The following NEDD4L variants were observed in gnomAD, a reference collection of about 807,000 sequenced individuals.
NEDD4L encodes NEDD4 like E3 ubiquitin protein ligase, also known as E3 ubiquitin-protein ligase NEDD4-like.
NEDD4L carries 54 observed loss-of-function variants against 148.9 expected under a neutral mutation model. The ratio of observed to expected loss-of-function variants is 0.36; its 90% confidence interval spans 0.29 to 0.45. The LOEUF is 0.45. Among genes scored for constraint, NEDD4L ranks in the 20% least tolerant of loss-of-function variants. NEDD4L has a pLI of 1.00. For missense variants in NEDD4L, 856 were observed against 1,233.8 expected (o/e 0.69, Z 4.59); for synonymous variants, 433 against 440.7 (o/e 0.98, Z 0.22).
chr18:58,269,016 G>A (rs959624805), intron 5 of NEDD4L, among the ~76,000 whole-genome samples: 2 of 152,134 alleles, frequency 1.3e-5, no homozygotes, highest in Middle Eastern at 3.4e-3. Flanking sequence ...ATCCTCCCTG[G>A]CAGAAACCTC....
At chr18:58,105,034 A>G (rs2084984522) in intron 1 of NEDD4L, among the ~76,000 whole-genome samples, 1 of 152,206 alleles carries the variant, frequency 6.6e-6, no homozygotes, top group African/African-American at 2.4e-5. Context: ...AGCTGCTTCT[A>G]GGGAAGAGGG....
At chr18:58,084,675 G>GTGTGTGTGTT (rs1196910555) in intron 1 of NEDD4L, among the ~76,000 whole-genome samples, 1 of 145,112 alleles carries the variant, frequency 6.9e-6, no homozygotes, top group Non-Finnish European at 1.5e-5. Context: ...GGGTTTTTGT[G>GTGTGTGTGTT]TGTGTGTGTG....
chr18:58,371,513 T>C (rs2046877527), intron 23 of NEDD4L: 1 of 152,260 alleles, frequency 6.6e-6, no homozygotes, highest in Non-Finnish European at 1.5e-5. Context: ...CGTTTGTCCA[T>C]TTGGGGTATT....
Position 58,064,819 on chromosome 18 carries a change from T to C in NEDD4L, c.48+20111T>C, listed in dbSNP as rs7241638. 9.2e-3 allele frequency among the ~76,000 whole-genome samples: 1,395 copies of C among 152,282 alleles called. 31 individuals are homozygous for C. Among genetic ancestry groups the C allele is most frequent in the African/African-American group, 0.032 (1,323 of 41,572 alleles). ...GTGGTCTTAGCTCTCAAAGAAGTCA[T>C]AGTCTGGCCAGGCGTGATGACTCAT... On this transcript the variant is annotated intron_variant, in intron 1 of 30. Coordinates refer to ENST00000400345, the MANE Select transcript of NEDD4L (RefSeq NM_001144967.3).
At chr18:58,260,454 G>C (rs1265484338) in intron 5 of NEDD4L, among the ~76,000 whole-genome samples, 1 of 152,196 alleles carries the variant, frequency 6.6e-6, no homozygotes, top group Non-Finnish European at 1.5e-5. Context: ...TGTTTCTGTA[G>C]CACTTCACAA....
At chr18:58,265,275 T>G (rs1052274574) in intron 5 of NEDD4L, among the ~76,000 whole-genome samples, 1 of 152,060 alleles carries the variant, frequency 6.6e-6, no homozygotes. Flanking sequence ...AAATTATTTT[T>G]CATGTGAAAC....
intron 1 of NEDD4L, among the ~76,000 whole-genome samples, chr18:58,161,832 G>A (rs2036254357): frequency 6.6e-6 from 1 of 152,082 alleles, no homozygotes; most frequent in Admixed American, 6.6e-5. Flanking sequence ...CTGAGTGGGA[G>A]GGGCTTATGG....
chr18:58,179,179 GCT>G (rs1362608051), intron 2 of NEDD4L, among the ~76,000 whole-genome samples: 2 of 152,100 alleles, frequency 1.3e-5, no homozygotes, highest in Non-Finnish European at 2.9e-5. Flanking sequence ...TGGTGTACTG[GCT>G]CTCTGGAGTG....
chr18:58,387,340 A>C, intron 26 of NEDD4L, 99 bp from the exon 27 acceptor site: 1 of 1,317,614 alleles, frequency 7.6e-7, no homozygotes, highest in Non-Finnish European at 1.0e-6. Context: ...AGGAGAGATT[A>C]TATTTTTTTC....
chr18:58,389,034 A>G, intron 27 of NEDD4L, 51 bp from the exon 28 acceptor site: 3 of 1,458,694 alleles, frequency 2.1e-6, no homozygotes, highest in Non-Finnish European at 2.9e-6. Flanking sequence ...TCAGTGTGTG[A>G]TCTCGCACCT....
intron 2 of NEDD4L, among the ~76,000 whole-genome samples, chr18:58,180,876 AC>A (rs1258996507): frequency 1.6e-4 from 24 of 152,220 alleles, no homozygotes; most frequent in African/African-American, 5.5e-4. Flanking sequence ...TCACCTGAAG[AC>A]CTCTTAACTG....
chr18:58,370,325 C>A lies in NEDD4L; in HGVS notation c.2186-72C>A. The A allele has an allele frequency of 8.5e-6, 8 of 936,098 alleles. No homozygotes were observed. In the South Asian group the frequency reaches 9.5e-5, roughly 11 times the overall value. 58.0% of individuals were successfully genotyped at this position (936,098 alleles called of 1,614,324 possible). A position where few individuals can be genotyped will look rare whatever the true frequency, so the allele number is the denominator to read the frequency against. On this transcript the variant is annotated intron_variant, in intron 22 of 30. Transcript: ENST00000400345. ...TCATTTACATTGAAAGCAGGTTAATCTTTTCTTTCATGCTCTGATACATAG... is the reference window on the plus strand; with the variant it reads ...TCATTTACATTGAAAGCAGGTTAATATTTTCTTTCATGCTCTGATACATAG...
chr18:58,231,257 A>AG (rs2045186477), intron 2 of NEDD4L, among the ~76,000 whole-genome samples: 1 of 148,656 alleles, frequency 6.7e-6, no homozygotes, highest in Non-Finnish European at 1.5e-5. Flanking sequence ...AAAAAAAAAA[A>AG]AAAGAACAGA....
At chr18:58,045,236 G>A (rs1042114369) in intron 1 of NEDD4L, 3 of 397,788 alleles carry the variant, frequency 7.5e-6, no homozygotes, top group Non-Finnish European at 1.3e-5. Context: ...TGGGGGACAC[G>A]CTGCGTGTGT....
chr18:58,357,041 T>C (rs1263786703), intron 18 of NEDD4L, among the ~76,000 whole-genome samples, 153 bp from the exon 19 acceptor site: 2 of 152,350 alleles, frequency 1.3e-5, no homozygotes, highest in East Asian at 3.8e-4. Context: ...AGTTACCTGC[T>C]AACTCTGAAA....
At chr18:58,155,252 C>T (rs1239816480) in intron 1 of NEDD4L, among the ~76,000 whole-genome samples, 9 of 138,324 alleles carry the variant, frequency 6.5e-5, no homozygotes, top group African/African-American at 1.7e-4. Context: ...ATAGTAATTG[C>T]GACTATCTTG....
chr18:58,152,372 A>G (rs1225478987), intron 1 of NEDD4L, among the ~76,000 whole-genome samples: 6 of 152,016 alleles, frequency 3.9e-5, no homozygotes, highest in African/African-American at 1.4e-4. Flanking sequence ...CAAGCTGGGG[A>G]GGAAAGGGGT....
At chr18:58,299,752 A>G (rs983355807) in intron 5 of NEDD4L, among the ~76,000 whole-genome samples, 2 of 152,194 alleles carry the variant, frequency 1.3e-5, no homozygotes, top group African/African-American at 4.8e-5. Flanking sequence ...GAGTTTCAAA[A>G]AGGCTTTCCG....
intron 5 of NEDD4L, among the ~76,000 whole-genome samples, chr18:58,289,927 T>A (rs1463062514): frequency 6.6e-6 from 1 of 152,246 alleles, no homozygotes; most frequent in Non-Finnish European, 1.5e-5. Flanking sequence ...CATGATTTCC[T>A]TAGTGAAATT....
Sources: allele counts gnomAD v4.1 joint callset (sites outside exome capture counted in the v4.1 genomes callset), GRCh38; gene constraint gnomAD v4.1.1; transcripts MANE v1.5; gene names NCBI Gene and HGNC (gene_info 2026-07-23, HGNC 2026-07-21).